DYNC2H1: variants seen among roughly 807,000 people sequenced by gnomAD.
DYNC2H1 encodes cytoplasmic dynein 2 heavy chain 1.
Under a neutral mutation model 570.0 loss-of-function variants are expected in DYNC2H1, and 410 were observed. The observed-to-expected ratio is 0.72, with a 90% CI of 0.66 to 0.78. The LOEUF is 0.78. Ranked by LOEUF, DYNC2H1 falls within the 30% of genes least tolerant of loss-of-function variation. The pLI is 0.00. For missense variants in DYNC2H1, 4,865 were observed against 5,046.4 expected (o/e 0.96, Z 1.09); for synonymous variants, 1,688 against 1,677.6 (o/e 1.01, Z -0.15).
chr11:103,232,321 T>G (rs969629077), intron 60 of DYNC2H1, among the ~76,000 whole-genome samples: 1 of 151,980 alleles, frequency 6.6e-6, no homozygotes, highest in Admixed American at 6.6e-5. Context: ...GTTAAAATTA[T>G]ATAGTCTTTT....
chr11:103,321,003 T>G (rs778482581), intron 80 of DYNC2H1, 26 bp from the exon 81 acceptor site: 1 of 1,534,668 alleles, frequency 6.5e-7, no homozygotes, highest in Admixed American at 1.9e-5. Flanking sequence ...GAAATGAAAT[T>G]AATGAGTGTT....
At position 103,158,915 on chromosome 11, in the gene DYNC2H1, A is replaced by G. The variant is rs778743340; in HGVS notation, c.4266A>G (p.Lys1422=). 6.8e-6 allele frequency: 11 copies of G among 1,606,276 alleles called. No homozygotes were observed. The South Asian group carries it at 1.3e-4, about 18-fold the overall frequency. ...TTTGTTTCTATTTTTATTAGGAAAA[A>G]CGCTCAGCATTCCCAAGATTTTATT... ...QKSLNEFLEE[K]RSAFPRFYFI... The change falls in exon 28 of 89, where the codon AAA becomes AAG. Residue 1422 remains lysine, a synonymous_variant. Coordinates refer to ENST00000375735, the MANE Select transcript of DYNC2H1 (RefSeq NM_001377.3).
At position 103,125,132 on chromosome 11, in the gene DYNC2H1, A is replaced by G; in HGVS notation, c.1694A>G (p.Asp565Gly). 6.2e-7 allele frequency: 1 copy of G among 1,613,356 alleles called. No homozygotes were observed. ...GCTAGTAGTCGAATTATGGAATTGGATTCTAATGATGGATTACTAAAAGTG... is the reference window on the plus strand; with the variant it reads ...GCTAGTAGTCGAATTATGGAATTGGGTTCTAATGATGGATTACTAAAAGTG... Reference protein sequence around the residue: ...IEASSRIMELDSNDGLLKVHY... With the variant: ...IEASSRIMELGSNDGLLKVHY... Residue 565 changes from aspartate (D) to glycine (G), a missense_variant, in exon 12 of 89, where the codon GAT becomes GGT. Asp to Gly is a moderately conservative substitution (Grantham distance 94). This residue lies in a region of DYNC2H1 where 1,936 missense variants were observed against 1,962.1 expected (regional missense o/e 0.99). Coordinates refer to ENST00000375735, the MANE Select transcript of DYNC2H1 (RefSeq NM_001377.3).
At position 103,145,144 on chromosome 11, in the gene DYNC2H1, G is replaced by A. The variant is rs968867666; in HGVS notation, c.2702+1749G>A. On this transcript the variant is annotated intron_variant, in intron 18 of 88. Transcript: ENST00000375735. The surrounding 1 kb of genome is among the most constrained non-coding windows in gnomAD (Gnocchi z 4.2). Reference sequence around the variant, plus strand: ...GATCTGCCCACCTTGGCCTCCCAGAGTGCTGGGATTACAGGCATGAACCAC... The same window carrying A: ...GATCTGCCCACCTTGGCCTCCCAGAATGCTGGGATTACAGGCATGAACCAC... Among the ~76,000 whole-genome samples the A allele has an allele frequency of 9.2e-5, 14 of 152,128 alleles. No homozygotes were observed. Among genetic ancestry groups the A allele is most frequent in the African/African-American group, 3.4e-4 (14 of 41,416 alleles).
chr11:103,445,088 G>A (rs1591766437), intron 85 of DYNC2H1, among the ~76,000 whole-genome samples: 2 of 152,216 alleles, frequency 1.3e-5, no homozygotes, highest in South Asian at 2.1e-4. Context: ...CTCAAATACC[G>A]AATGAATAAA....
chr11:103,434,701 TAAAAGTGTG>T (rs972042338), intron 84 of DYNC2H1, among the ~76,000 whole-genome samples: 11 of 152,104 alleles, frequency 7.2e-5, no homozygotes, highest in African/African-American at 2.4e-4. Context: ...ATTTTTAGCT[TAAAAGTGTG>T]AAATTTACTA....
At chr11:103,207,049 G>C (rs1039484545) in intron 52 of DYNC2H1, among the ~76,000 whole-genome samples, 1 of 151,956 alleles carries the variant, frequency 6.6e-6, no homozygotes, top group Non-Finnish European at 1.5e-5. Context: ...AGCCTCTCGA[G>C]TAGCTGAGAT....
chr11:103,449,915 G>A (rs1944541595), intron 85 of DYNC2H1, among the ~76,000 whole-genome samples: 2 of 152,180 alleles, frequency 1.3e-5, no homozygotes, highest in South Asian at 2.1e-4. Flanking sequence ...TTGTCAGATT[G>A]GATAAAACAA....
At chr11:103,227,219 TG>T (rs887067459) in intron 59 of DYNC2H1, among the ~76,000 whole-genome samples, 12 of 152,026 alleles carry the variant, frequency 7.9e-5, no homozygotes, top group African/African-American at 2.9e-4. Context: ...TTTTTTCTGT[TG>T]GGTTTGGGTT....
chr11:103,391,293 T>C (rs1012813657), intron 83 of DYNC2H1, among the ~76,000 whole-genome samples: 1 of 152,364 alleles, frequency 6.6e-6, no homozygotes, highest in East Asian at 1.9e-4. Context: ...TTGAATTGGC[T>C]ACTGAAGCTT....
intron 20 of DYNC2H1, among the ~76,000 whole-genome samples, chr11:103,149,077 T>TAAATA (rs1362092986): frequency 6.6e-6 from 1 of 151,948 alleles, no homozygotes; most frequent in African/African-American, 2.4e-5. Flanking sequence ...AATAAGTAAA[T>TAAATA]AAATAAATAA....
chr11:103,255,362 G>A, intron 66 of DYNC2H1, 53 bp from the exon 67 acceptor site: 2 of 1,510,978 alleles, frequency 1.3e-6, no homozygotes, highest in Admixed American at 4.8e-5. Context: ...GGAAGTTTTT[G>A]TTTTGTTTTA....
intron 34 of DYNC2H1, among the ~76,000 whole-genome samples, chr11:103,172,008 G>A (rs1236701560): frequency 1.3e-5 from 2 of 152,110 alleles, no homozygotes; most frequent in African/African-American, 4.8e-5. Context: ...TTTATATAAT[G>A]TGGATTGCTG....
intron 55 of DYNC2H1, among the ~76,000 whole-genome samples, chr11:103,217,388 T>C (rs1044600504): frequency 1.3e-5 from 2 of 152,190 alleles, no homozygotes; most frequent in African/African-American, 4.8e-5. Flanking sequence ...CACTTTTCAG[T>C]AATCATAAGG....
chr11:103,322,044 AAT>A (rs1938232379), intron 81 of DYNC2H1, among the ~76,000 whole-genome samples: 1 of 152,162 alleles, frequency 6.6e-6, no homozygotes, highest in South Asian at 2.1e-4. Context: ...ATCACTATTA[AAT>A]ATATTACTCT....
intron 54 of DYNC2H1, among the ~76,000 whole-genome samples, chr11:103,213,542 A>T (rs1460042744): frequency 1.3e-5 from 2 of 151,748 alleles, no homozygotes; most frequent in East Asian, 1.9e-4. Flanking sequence ...TGATATTTTG[A>T]TTCATACAAG....
intron 85 of DYNC2H1, among the ~76,000 whole-genome samples, chr11:103,448,866 A>T (rs1293590257): frequency 6.6e-6 from 1 of 152,260 alleles, no homozygotes; most frequent in Non-Finnish European, 1.5e-5. Context: ...GGAAAATGTT[A>T]GCCAAATTCC....
At chr11:103,384,182 C>T (rs1591659169) in intron 83 of DYNC2H1, among the ~76,000 whole-genome samples, 1 of 152,138 alleles carries the variant, frequency 6.6e-6, no homozygotes, top group African/African-American at 2.4e-5. Flanking sequence ...ACTACACATA[C>T]ACAAAATGGT....
intron 77 of DYNC2H1, 84 bp downstream of exon 77, chr11:103,304,804 A>G: frequency 1.6e-6 from 2 of 1,272,136 alleles, no homozygotes; most frequent in South Asian, 2.4e-5. Context: ...AATGTCATGC[A>G]TTATTTATGA....
Sources: gnomAD v4.1 joint callset for allele counts (sites outside exome capture counted in the v4.1 genomes callset) on GRCh38, gnomAD v4.1.1 for gene constraint, gnomAD v4.1.1 regional missense constraint, Gnocchi (gnomAD v3.1) non-coding constraint, MANE v1.5 for transcripts, NCBI Gene and HGNC (gene_info 2026-07-23, HGNC 2026-07-21) for gene names.